The following DEFB134 variants were observed in gnomAD, a reference collection of about 807,000 sequenced individuals.
DEFB134 encodes the protein defensin beta 134, also known as beta-defensin 134.
A neutral mutation model predicts 7.4 loss-of-function variants in DEFB134; 7 were observed. The ratio of observed to expected loss-of-function variants is 0.95; its 90% CI spans 0.54 to 1.79. DEFB134 has a LOEUF of 1.79. Among genes scored for constraint, DEFB134 ranks in the 40% most tolerant of loss-of-function variants. The pLI, the probability that DEFB134 is intolerant of heterozygous loss-of-function variation, is 0.00. For synonymous variants in DEFB134, 33 were observed against 25.0 expected, an observed-to-expected ratio of 1.32 and a Z score of -0.96; for missense variants, 105 against 74.8, an observed-to-expected ratio of 1.40 and a Z score of -1.49.
At chr8:11,993,719 C>T (rs112656470) in exon 2 of DEFB134, 8 of 349,282 alleles carry the variant, frequency 2.3e-5, no homozygotes, top group African/African-American at 1.5e-4. Context: ...GAAACAGGTG[C>T]TGATGAGCAC....
chr8:11,994,151 T>C (rs760740729), intron 1 of DEFB134, 29 bp from the exon 3 acceptor site: 3 of 1,601,332 alleles, frequency 1.9e-6, no homozygotes, highest in Non-Finnish European at 2.6e-6. Flanking sequence ...GAAAGATAAT[T>C]CACTACAGGC....
exon 2 of DEFB134, chr8:11,993,742 G>A (rs181784834): frequency 1.5e-4 from 65 of 429,314 alleles, no homozygotes; most frequent in African/African-American, 1.3e-3. Flanking sequence ...TGGACATCAC[G>A]TTGAGGTGAG....
At chr8:11,999,919 A>G (rs941993892), upstream of DEFB134, among the ~76,000 whole-genome samples, 7 of 152,190 alleles carry the variant, frequency 4.6e-5, no homozygotes, top group African/African-American at 1.4e-4. Flanking sequence ...GGAGAAGTAC[A>G]ATATGCTCCA....
chr8:11,997,658 A>G (rs540018944), upstream of DEFB134, among the ~76,000 whole-genome samples: 3 of 152,352 alleles, frequency 2.0e-5, no homozygotes, highest in African/African-American at 7.2e-5. Flanking sequence ...TTCAATTCAA[A>G]AAGAAGACTT....
chr8:11,994,120 T>G, exon 2 of DEFB134: 1 of 1,609,984 alleles, frequency 6.2e-7, no homozygotes, highest in Non-Finnish European at 8.5e-7. Flanking sequence ...AATGAATTTA[T>G]ACCTGGAAGG....
At chr8:11,993,807 C>T in exon 2 of DEFB134, 5 of 814,212 alleles carry the variant, frequency 6.1e-6, no homozygotes, top group Non-Finnish European at 8.8e-6. Context: ...AAGAAGGCTA[C>T]AGCTCAGCTC....
intron 1 of DEFB134, 63 bp downstream of exon 2, chr8:11,996,131 T>A: frequency 6.3e-7 from 1 of 1,587,992 alleles, no homozygotes; most frequent in Non-Finnish European, 8.6e-7. Flanking sequence ...GTTTATTGGG[T>A]TGTTTAGTGG....
At chr8:11,996,322 G>A (rs925585815), upstream of DEFB134, 4 of 1,564,152 alleles carry the variant, frequency 2.6e-6, no homozygotes, top group East Asian at 2.2e-5. Context: ...GAGAGAAGAG[G>A]TTGAGCACAC....
upstream of DEFB134, among the ~76,000 whole-genome samples, chr8:11,996,797 A>C (rs1800136400): frequency 6.6e-6 from 1 of 152,194 alleles, no homozygotes; most frequent in Admixed American, 6.5e-5. Context: ...TTGTAACTTG[A>C]TATATACTAT....
chr8:11,994,007 G>C (rs777049788), exon 2 of DEFB134: 5 of 1,613,670 alleles, frequency 3.1e-6, no homozygotes, highest in South Asian at 2.2e-5. Flanking sequence ...CTTTGACACA[G>C]CACTCCAGCT....
chr8:11,993,951 G>A (rs761175237), exon 2 of DEFB134: 2 of 1,608,298 alleles, frequency 1.2e-6, no homozygotes, highest in South Asian at 1.1e-5. Flanking sequence ...AGGGCCTACA[G>A]GATAGTGGCC....
upstream of DEFB134, among the ~76,000 whole-genome samples, chr8:11,998,734 AG>A (rs1191063521): frequency 6.6e-6 from 1 of 152,160 alleles, no homozygotes; most frequent in East Asian, 1.9e-4. Flanking sequence ...CCCATACAAA[AG>A]ATTAATGAAA....
At chr8:11,996,063 C>G (rs1213287930) in intron 1 of DEFB134, 131 bp downstream of exon 2, 2 of 1,117,794 alleles carry the variant, frequency 1.8e-6, no homozygotes, top group South Asian at 3.0e-5. Flanking sequence ...TTGCTGACAT[C>G]AAAACTAGTT....
intron 1 of DEFB134, 29 bp downstream of exon 2, chr8:11,996,165 C>A (rs370016517): frequency 1.2e-6 from 2 of 1,612,870 alleles, no homozygotes; most frequent in Non-Finnish European, 1.7e-6. Flanking sequence ...TATGAAGCAC[C>A]CCTACCCCCC....
intron 1 of DEFB134, among the ~76,000 whole-genome samples, chr8:11,995,355 G>C (rs1800090272): frequency 1.3e-5 from 2 of 152,186 alleles, no homozygotes; most frequent in African/African-American, 4.8e-5. Flanking sequence ...ATAATCTGAA[G>C]ATGTGATTCA....
chr8:11,996,747 A>G (rs1336527826), upstream of DEFB134, among the ~76,000 whole-genome samples: 4 of 152,216 alleles, frequency 2.6e-5, no homozygotes, highest in East Asian at 1.9e-4. Context: ...TTTGTTTTAC[A>G]TAGCTATAAA....
upstream of DEFB134, among the ~76,000 whole-genome samples, chr8:11,997,453 C>G (rs1469128613): frequency 3.3e-5 from 5 of 152,022 alleles, no homozygotes; most frequent in Non-Finnish European, 5.9e-5. Flanking sequence ...AAGGCTGGGC[C>G]ACAGCTGTAT....
chr8:11,994,955 T>G (rs992148898), intron 1 of DEFB134, among the ~76,000 whole-genome samples: 1 of 152,192 alleles, frequency 6.6e-6, no homozygotes, highest in East Asian at 1.9e-4. Flanking sequence ...TTCTGAAGAT[T>G]TGAGAAGTCT....
upstream of DEFB134, chr8:11,996,321 G>A (rs1051675834): frequency 1.9e-6 from 3 of 1,566,436 alleles, no homozygotes; most frequent in African/African-American, 4.1e-5. Context: ...AGAGAGAAGA[G>A]GTTGAGCACA....
Sources: allele counts gnomAD v4.1 joint callset (sites outside exome capture counted in the v4.1 genomes callset), GRCh38; gene constraint gnomAD v4.1.1; transcripts MANE v1.5; gene names NCBI Gene and HGNC (gene_info 2026-07-23, HGNC 2026-07-21).